The following NT5DC1 variants were observed in gnomAD, a reference collection of about 807,000 sequenced individuals.
NT5DC1 encodes 5'-nucleotidase domain containing 1.
A neutral mutation model predicts 59.4 loss-of-function variants in NT5DC1; 42 were observed. The ratio of observed to expected loss-of-function variants is 0.71; its 90% CI spans 0.55 to 0.92. The LOEUF is 0.92. Among genes scored for constraint, NT5DC1 ranks in the 40% least tolerant of loss-of-function variants. The pLI, the probability that NT5DC1 is intolerant of heterozygous loss-of-function variation, is 0.00. For synonymous variants in NT5DC1, 172 were observed against 188.1 expected, an observed-to-expected ratio of 0.91 and a Z score of 0.70; for missense variants, 501 against 537.1, an observed-to-expected ratio of 0.93 and a Z score of 0.66.
intron 6 of NT5DC1, among the ~76,000 whole-genome samples, chr6:116,218,819 T>C (rs950562686): frequency 6.7e-6 from 1 of 149,712 alleles, no homozygotes; most frequent in Non-Finnish European, 1.5e-5. Flanking sequence ...TTAGTTTTGG[T>C]CTGGTTATGA....
intron 3 of NT5DC1, among the ~76,000 whole-genome samples, chr6:116,110,540 G>A (rs986092805): frequency 1.3e-5 from 2 of 152,062 alleles, no homozygotes; most frequent in Non-Finnish European, 2.9e-5. Flanking sequence ...AATTGCTCCA[G>A]GTATGTTCAT....
chr6:116,210,406 TA>T (rs1159707759), intron 6 of NT5DC1, among the ~76,000 whole-genome samples: 2 of 152,018 alleles, frequency 1.3e-5, no homozygotes, highest in East Asian at 3.9e-4. Flanking sequence ...ACCCTGTAGT[TA>T]CCATAGAGTC....
At chr6:116,192,468 G>T (rs1781141452) in intron 6 of NT5DC1, among the ~76,000 whole-genome samples, 1 of 152,002 alleles carries the variant, frequency 6.6e-6, no homozygotes, top group African/African-American at 2.4e-5. Flanking sequence ...ACTATATACA[G>T]ATGAAAGACT....
chr6:116,232,014 A>C (rs1171975877), intron 8 of NT5DC1, among the ~76,000 whole-genome samples: 5 of 152,168 alleles, frequency 3.3e-5, no homozygotes, highest in Non-Finnish European at 7.3e-5. Context: ...GCAGGCTGTG[A>C]AGTCTGAAAC....
chr6:116,183,111 C>A (rs1448980433), intron 6 of NT5DC1, among the ~76,000 whole-genome samples: 5 of 152,112 alleles, frequency 3.3e-5, no homozygotes, highest in Non-Finnish European at 5.9e-5. Flanking sequence ...GTTGTCCCTG[C>A]ACCATTTGTT....
At chr6:116,124,015 C>T (rs897048866) in intron 6 of NT5DC1, among the ~76,000 whole-genome samples, 11 of 151,978 alleles carry the variant, frequency 7.2e-5, no homozygotes, top group African/African-American at 2.2e-4. Flanking sequence ...TCAAGTAAAG[C>T]GGAAGGTTGC....
At chr6:116,115,055 C>T (rs1427597592) in intron 4 of NT5DC1, among the ~76,000 whole-genome samples, 1 of 152,130 alleles carries the variant, frequency 6.6e-6, no homozygotes, top group Non-Finnish European at 1.5e-5. Flanking sequence ...TCACATGTGC[C>T]AAAGAAGGGC....
intron 8 of NT5DC1, among the ~76,000 whole-genome samples, chr6:116,235,085 T>C (rs1782090930): frequency 6.7e-6 from 1 of 149,432 alleles, no homozygotes; most frequent in South Asian, 2.1e-4. Flanking sequence ...TCTCAACATT[T>C]AAGAAGTTAT....
chr6:116,151,079 TGAATTTGCTCAGGGATTA>T (rs1012059118), intron 6 of NT5DC1, among the ~76,000 whole-genome samples: 70 of 152,340 alleles, frequency 4.6e-4, no homozygotes, highest in African/African-American at 1.4e-3. Context: ...TATTTTTTTG[TGAATTTGCTCAGGGATTA>T]GAATTTGCAG....
intron 6 of NT5DC1, among the ~76,000 whole-genome samples, chr6:116,126,670 A>G (rs1434327392): frequency 6.6e-6 from 1 of 152,160 alleles, no homozygotes; most frequent in Admixed American, 6.5e-5. Flanking sequence ...TCCCTTATTC[A>G]CAACACTACG....
intron 1 of NT5DC1, among the ~76,000 whole-genome samples, chr6:116,105,792 A>G (rs988537236): frequency 6.6e-6 from 1 of 151,924 alleles, no homozygotes; most frequent in Non-Finnish European, 1.5e-5. Context: ...TGTATCTGAT[A>G]GAGGCATCAT....
intron 6 of NT5DC1, among the ~76,000 whole-genome samples, chr6:116,155,766 A>C (rs905834120): frequency 6.6e-6 from 1 of 151,886 alleles, no homozygotes; most frequent in African/African-American, 2.4e-5. Context: ...AAAAAAAAAA[A>C]AAAAAAGAGG....
At chr6:116,106,938 C>G (rs917381793) in intron 2 of NT5DC1, among the ~76,000 whole-genome samples, 8 of 152,098 alleles carry the variant, frequency 5.3e-5, no homozygotes, top group Non-Finnish European at 7.3e-5. Context: ...ATTCTGTAAT[C>G]CCAGCACTTT....
chr6:116,229,240 T>A (rs1781962613), intron 8 of NT5DC1, among the ~76,000 whole-genome samples: 1 of 152,222 alleles, frequency 6.6e-6, no homozygotes, highest in Non-Finnish European at 1.5e-5. Flanking sequence ...CCCTCCCTTT[T>A]AAGTTGTCCT....
chr6:116,120,661 G>A lies in NT5DC1; in HGVS notation c.529+2716G>A, dbSNP rs1779088187. ...GCCCTGGTGGCCCGGTGGGTCCATT[G>A]AGGCCCTTAGTTGCTATGCCAGCTG... On this transcript the variant is annotated intron_variant, in intron 6 of 11. Coordinates refer to ENST00000319550, the MANE Select transcript of NT5DC1 (RefSeq NM_152729.3). 1.3e-6 allele frequency: 2 copies of A among 1,546,292 alleles called. No homozygotes were observed. Among genetic ancestry groups the A allele is most frequent in the African/African-American group, 2.8e-5 (2 of 72,272 alleles).
chr6:116,125,719 G>A (rs1463033169), intron 6 of NT5DC1: 2 of 379,906 alleles, frequency 5.3e-6, no homozygotes, highest in Non-Finnish European at 9.6e-6. Context: ...AGGTAATCAA[G>A]TGAAAATAAA....
intron 8 of NT5DC1, among the ~76,000 whole-genome samples, chr6:116,232,329 C>A (rs1450250589): frequency 6.6e-6 from 1 of 152,034 alleles, no homozygotes; most frequent in Non-Finnish European, 1.5e-5. Flanking sequence ...TGAAACTCAT[C>A]AAATTGTATG....
At chr6:116,141,884 AAACACACAC>A (rs1391489047) in intron 6 of NT5DC1, among the ~76,000 whole-genome samples, 49 of 119,062 alleles carry the variant, frequency 4.1e-4, no homozygotes, top group Admixed American at 1.0e-3. Flanking sequence ...GCCAAAAAGA[AAACACACAC>A]ACACACACAC....
chr6:116,111,059 A>G (rs369815687), intron 4 of NT5DC1, 103 bp downstream of exon 4: 1 of 732,044 alleles, frequency 1.4e-6, no homozygotes. Context: ...CCTGCTGGGC[A>G]GGATGCCAAA....
Sources: allele counts gnomAD v4.1 joint callset (sites outside exome capture counted in the v4.1 genomes callset), GRCh38; gene constraint gnomAD v4.1.1; transcripts MANE v1.5; gene names NCBI Gene and HGNC (gene_info 2026-07-23, HGNC 2026-07-21).